GLS2: variants seen among roughly 807,000 people sequenced by gnomAD.
GLS2 encodes the protein glutaminase 2, also known as glutaminase liver isoform, mitochondrial.
In GLS2, 52 loss-of-function variants were observed where a neutral mutation model predicts 79.0. That is an observed-to-expected ratio of 0.66 (90% CI 0.53 to 0.83). The LOEUF (loss-of-function observed/expected upper bound fraction) is 0.83. Ranked by LOEUF, GLS2 falls within the 40% of genes least tolerant of loss-of-function variation. The pLI, the probability that GLS2 is intolerant of heterozygous loss-of-function variation, is 0.00. For synonymous variants in GLS2, 238 were observed against 280.8 expected, an observed-to-expected ratio of 0.85 and a Z score of 1.52; for missense variants, 561 against 764.8, an observed-to-expected ratio of 0.73 and a Z score of 3.14.
Position 56,473,133 on chromosome 12 carries a change from C to T in GLS2, c.1449+95G>A, listed in dbSNP as rs985674566. 8 of 1,118,096 alleles carry T rather than the reference C, an allele frequency of 7.2e-6. No homozygotes were observed. The African/African-American group carries it at 1.1e-4, about 15-fold the overall frequency. The allele number at this position is 1,118,096 out of a possible 1,614,324, so 69.3% of individuals were successfully genotyped here. A position where few individuals can be genotyped will look rare whatever the true frequency, so the allele number is the denominator to read the frequency against. ...CTTGATCTCCTGACCTTGTGATCCGCCCGCCTTGGCCTCTCAAAGTGCAGG... is the reference window on the plus strand; with the variant it reads ...CTTGATCTCCTGACCTTGTGATCCGTCCGCCTTGGCCTCTCAAAGTGCAGG... On this transcript the variant is annotated intron_variant, in intron 14 of 17. Coordinates refer to ENST00000311966, the MANE Select transcript of GLS2 (RefSeq NM_013267.4).
chr12:56,479,723 G>A lies in GLS2; in HGVS notation c.404+57C>T, dbSNP rs961533434. The A allele has an allele frequency of 1.2e-5, 18 of 1,525,980 alleles. No homozygotes were observed. The African/African-American group carries it at 2.2e-4, about 19-fold the overall frequency. 94.5% of individuals were successfully genotyped at this position (1,525,980 alleles called of 1,614,324 possible). ...TCCCAAATTCCTCCCTGCTCTGAGA[G>A]TCTATGTCCACAGGACAGTTTTCAG... On this transcript the variant is annotated intron_variant, in intron 3 of 17. Transcript: ENST00000311966.
rs773553815 is a variant in GLS2 at position 56,479,071 on chromosome 12, T to G, written c.515A>C (p.Lys172Thr). 8.7e-6 allele frequency: 14 copies of G among 1,613,872 alleles called. No homozygotes were observed. The East Asian group carries it at 2.2e-4, about 26-fold the overall frequency. The part of the protein sequence containing the change: ...GHVDRIFEDV[K>T]ELTGGKVAAY... ...TCTCACTTTGCCTCCAGTGAGCTCT[T>G]TGACATCCTCAAAGATGCGATCCAC... The change falls in exon 4 of 18, where the codon AAA (lysine) becomes ACA (threonine). Residue 172 changes from lysine (K) to threonine (T), a missense_variant. Lys to Thr is a moderately conservative substitution (Grantham distance 78, BLOSUM62 -1). Coordinates refer to ENST00000311966, the MANE Select transcript of GLS2 (RefSeq NM_013267.4).
intron 7 of GLS2, 92 bp from the exon 8 acceptor site, chr12:56,476,069 C>T: frequency 1.6e-6 from 2 of 1,223,772 alleles, no homozygotes; most frequent in East Asian, 2.3e-5. Context: ...TAGTGTTAGT[C>T]TGGTCCTGCT....
chr12:56,474,430 G>A, intron 12 of GLS2, 114 bp downstream of exon 12: 7 of 1,328,672 alleles, frequency 5.3e-6, no homozygotes, highest in Non-Finnish European at 7.3e-6. Flanking sequence ...TGCCTTCCTG[G>A]AAGTTAGTGA....
chr12:56,486,620 C>T (rs922550954), intron 1 of GLS2, among the ~76,000 whole-genome samples: 15 of 152,126 alleles, frequency 9.9e-5, no homozygotes, highest in Non-Finnish European at 1.9e-4. Context: ...GCAGGCGGAT[C>T]ACCTGAAGTC....
chr12:56,480,252 G>C (rs760685574), intron 2 of GLS2, 36 bp downstream of exon 2: 31 of 1,555,568 alleles, frequency 2.0e-5, no homozygotes, highest in Non-Finnish European at 2.5e-5. Flanking sequence ...GAGATCTTAA[G>C]GAATTAGGAT....
intron 1 of GLS2, among the ~76,000 whole-genome samples, chr12:56,483,209 T>C (rs931356855): frequency 2.2e-4 from 34 of 151,938 alleles, no homozygotes; most frequent in Admixed American, 1.8e-3. Flanking sequence ...GCCTCCCAAG[T>C]AGCTGGGATT....
At position 56,474,655 on chromosome 12, in the gene GLS2, C is replaced by G. The variant is rs757859758; in HGVS notation, c.1113G>C (p.Gly371=). The G allele has an allele frequency of 4.0e-5, 65 of 1,613,836 alleles. No individual in the cohort carries two copies. Among genetic ancestry groups the G allele is most frequent in the Non-Finnish European group, 5.3e-5 (63 of 1,179,852 alleles). Residue 371 remains glycine, a synonymous_variant, in exon 12 of 18, where the codon GGG becomes GGC. Transcript: ENST00000311966. ...SVMAATLANG[G]ICPITGESVL... Reference sequence around the variant, plus strand: ...CACTCTCGCCTGTGATGGGGCAGATCCCACCGTTGGCGAGGGTGGCTGCCA... The same window carrying G: ...CACTCTCGCCTGTGATGGGGCAGATGCCACCGTTGGCGAGGGTGGCTGCCA...
rs759851738 is a variant in GLS2 at position 56,471,657 on chromosome 12, T to C, written c.1653-14A>G. On this transcript the variant is annotated splice_polypyrimidine_tract_variant and intron_variant, in intron 17 of 17. Coordinates refer to ENST00000311966, the MANE Select transcript of GLS2 (RefSeq NM_013267.4). ...ATGTTGCCCCACCTGAGAGGAATAA[T>C]GATATGATCAGGCAAAGGAGACGTG... is the stretch of plus-strand genomic sequence containing the variant. 6.2e-7 allele frequency: 1 copy of C among 1,613,852 alleles called. No homozygotes were observed. Among genetic ancestry groups the C allele is most frequent in the Non-Finnish European group, 8.5e-7 (1 of 1,179,816 alleles).
intron 1 of GLS2, among the ~76,000 whole-genome samples, chr12:56,481,266 C>T (rs577589993): frequency 1.1e-4 from 14 of 127,616 alleles, no homozygotes; most frequent in Middle Eastern, 7.5e-3. Flanking sequence ...AGCGCAATGG[C>T]GCGATCTCGG....
chr12:56,478,521 C>T (rs1312650468), intron 4 of GLS2: 3 of 473,968 alleles, frequency 6.3e-6, no homozygotes, highest in Non-Finnish European at 1.1e-5. Flanking sequence ...GGCAACCTTC[C>T]CCTTTTGGTT....
At chr12:56,479,756 T>G in intron 3 of GLS2, 24 bp downstream of exon 3, 1 of 1,586,028 alleles carries the variant, frequency 6.3e-7, no homozygotes, top group Non-Finnish European at 8.6e-7. Flanking sequence ...CAGAGAGCAG[T>G]GCCCTTGTTT....
Position 56,474,092 on chromosome 12 carries a change from C to CTT in GLS2, c.1224+450_1224+451dup, listed in dbSNP as rs67377312. The CTT allele has an allele frequency of 2.9e-4, 29 of 98,920 alleles. 1 individual carries two copies. The highest frequency in any genetic ancestry group is 9.6e-4 in the South Asian group (5 of 5,232). 6.1% of individuals were successfully genotyped at this position (98,920 alleles called of 1,614,324 possible). ...AACACCTCTGGTTGTTTTTCTTTTT[C>CTT]TTTTTTTCTTTTTTTTTGAGATGGA... On this transcript the variant is annotated intron_variant, in intron 12 of 17. Transcript: ENST00000311966.
chr12:56,471,076 G>A lies in GLS2; in HGVS notation c.*411C>T, dbSNP rs182327213. The A allele has an allele frequency of 6.1e-6, 2 of 328,698 alleles. No individual in the cohort carries two copies. Among genetic ancestry groups the A allele is most frequent in the Non-Finnish European group, 1.1e-5 (2 of 182,166 alleles). The allele number at this position is 328,698 out of a possible 1,614,324, so 20.4% of individuals were successfully genotyped here. On this transcript the variant is annotated 3_prime_UTR_variant, in exon 18 of 18. Transcript: ENST00000311966. The stretch of plus-strand genomic sequence containing the variant: ...GATTTCTCCAGACTACTAAAGCCAT[G>A]TATATAGCCATTCCCACTTCCCATA...
rs1869249077 is a variant in GLS2, at chr12:56,471,441, G to T, written c.*46C>A. 19 of 1,563,838 alleles carry T rather than the reference G, an allele frequency of 1.2e-5. No homozygotes were observed. Among genetic ancestry groups the T allele is most frequent in the Non-Finnish European group, 1.6e-5 (19 of 1,153,856 alleles). On this transcript the variant is annotated 3_prime_UTR_variant, in exon 18 of 18. Transcript: ENST00000311966. ...TTGGTGGTTATGGATTACATGTGTGGCCAGCTCATGCTTTTTCTTGAGCAG... is the reference window on the plus strand; with the variant it reads ...TTGGTGGTTATGGATTACATGTGTGTCCAGCTCATGCTTTTTCTTGAGCAG...
chr12:56,475,355 A>G (rs1565703344), intron 9 of GLS2: 1 of 1,074,270 alleles, frequency 9.3e-7, no homozygotes, highest in Non-Finnish European at 1.3e-6. Flanking sequence ...AAACTGGTGA[A>G]GTTTTTGGCT....
In GLS2 at chr12:56,488,001, G is replaced by A. The variant is rs1870829887; in HGVS notation, c.118C>T (p.Leu40Phe). Residue 40 changes from leucine to phenylalanine, a missense_variant, in exon 1 of 18, where the codon CTC becomes TTC. Coordinates refer to ENST00000311966, the MANE Select transcript of GLS2 (RefSeq NM_013267.4). The part of the protein sequence containing the change: ...PLLGGGVRHH[L>F]SEAAAQGRET... ...CTGCCCTGCGCCGCGGCCTCACTGA[G>A]GTGGTGCCGGACGCCCCCGCCAAGG... 3 of 1,600,534 alleles carry A rather than the reference G, an allele frequency of 1.9e-6. No homozygotes were observed. Among genetic ancestry groups the A allele is most frequent in the African/African-American group, 1.3e-5 (1 of 74,988 alleles).
rs1206670403 is a variant in GLS2 at position 56,478,273 on chromosome 12, G to A, written c.535-11C>T. On this transcript the variant is annotated splice_polypyrimidine_tract_variant and intron_variant, in intron 4 of 17. Transcript: ENST00000311966. ...GATGTAGGCTGCCACCTGGACATGA[G>A]TGGGTAGAGAAAAGGGAGATGGATG... is the stretch of plus-strand genomic sequence containing the variant. 7 of 1,613,848 alleles carry A rather than the reference G, an allele frequency of 4.3e-6. No homozygotes were observed. Among genetic ancestry groups the A allele is most frequent in the Non-Finnish European group, 2.5e-6 (3 of 1,179,724 alleles).
intron 1 of GLS2, among the ~76,000 whole-genome samples, 176 bp downstream of exon 1, chr12:56,487,761 T>G (rs369657291): frequency 3.5e-4 from 53 of 152,310 alleles, no homozygotes; most frequent in African/African-American, 1.3e-3. Flanking sequence ...GACGGCAGAT[T>G]ACCGCCCGAG....
Sources: allele counts gnomAD v4.1 joint callset (sites outside exome capture counted in the v4.1 genomes callset), GRCh38; gene constraint gnomAD v4.1.1; transcripts MANE v1.5; gene names NCBI Gene and HGNC (gene_info 2026-07-23, HGNC 2026-07-21).